DPP6: variants seen among roughly 807,000 people sequenced by gnomAD.
DPP6 encodes A-type potassium channel modulatory protein DPP6.
Under a neutral mutation model 122.6 loss-of-function variants are expected in DPP6, and 69 were observed. The ratio of observed to expected loss-of-function variants is 0.56; its 90% confidence interval spans 0.46 to 0.69. The LOEUF (loss-of-function observed/expected upper bound fraction) is 0.69, where lower values mean the gene tolerates loss of function less well. DPP6 is among the 30% of genes least tolerant of loss of function. The probability of loss-of-function intolerance (pLI) is 0.00; values close to 1 mark genes in which losing one functional copy is unlikely to be tolerated. For missense variants in DPP6, 928 were observed against 1,116.9 expected (o/e 0.83, Z 2.41); for synonymous variants, 418 against 433.1 (o/e 0.97, Z 0.43).
chr7:154,162,200 G>A lies in DPP6; in HGVS notation c.243+109137G>A, dbSNP rs372461034. Among the ~76,000 whole-genome samples the A allele has an allele frequency of 2.2e-3, 329 of 151,290 alleles. 1 individual carries two copies. Among genetic ancestry groups the A allele is most frequent in the South Asian group, 0.015 (72 of 4,758 alleles). On this transcript the variant is annotated intron_variant, in intron 1 of 25. Coordinates refer to ENST00000377770, the MANE Select transcript of DPP6 (RefSeq NM_130797.4). ...AGGCCTGGTGTTGGCCCGGGAACCC[G>A]CACTGACCAGCCTGTGGCCAGGGCC...
At chr7:154,757,419 C>G (rs558001116) in intron 8 of DPP6, among the ~76,000 whole-genome samples, 1 of 152,366 alleles carries the variant, frequency 6.6e-6, no homozygotes, top group Admixed American at 6.5e-5. Flanking sequence ...TCTCCTCCCC[C>G]ACTGCAGCCC....
the DPP6 span, among the ~76,000 whole-genome samples, chr7:153,872,106 C>T: frequency 3.3e-3 from 508 of 152,314 alleles, 1 homozygote; most frequent in African/African-American, 0.012. Flanking sequence ...GATCCACAAT[C>T]GTTCCATCTG....
intron 1 of DPP6, among the ~76,000 whole-genome samples, chr7:154,105,441 G>T (rs147849455): frequency 0.036 from 5,468 of 152,218 alleles, 329 homozygotes; most frequent in African/African-American, 0.12. Flanking sequence ...TGCAAATAAC[G>T]ACCAGCCTTT....
chr7:154,653,450 A>T (rs1035366283), intron 6 of DPP6, among the ~76,000 whole-genome samples: 1 of 152,258 alleles, frequency 6.6e-6, no homozygotes, highest in Non-Finnish European at 1.5e-5. Context: ...GTAGATGGAT[A>T]GATGACAGAT....
chr7:154,843,170 C>T (rs567823004), intron 16 of DPP6, among the ~76,000 whole-genome samples: 8 of 152,260 alleles, frequency 5.3e-5, no homozygotes, highest in African/African-American at 1.7e-4. Context: ...GGCGTGGTGG[C>T]GCATGCCTGG....
rs563530051 is a variant in DPP6 at position 154,481,490 on chromosome 7, AC to A, written c.457+6459del. Among the ~76,000 whole-genome samples, 1 of 137,568 alleles carries A rather than the reference AC, an allele frequency of 7.3e-6. No homozygotes were observed. Among genetic ancestry groups the A allele is most frequent in the Non-Finnish European group, 1.6e-5 (1 of 63,742 alleles). The allele number at this position is 137,568 out of a possible 152,430, so 90.2% of individuals were successfully genotyped here. A position where few individuals can be genotyped will look rare whatever the true frequency, so the allele number is the denominator to read the frequency against. ...TCATCCTCCCCCAACCTCTTCACAGACCCCCCGCTGCCCACTGTGCGAGCAC... is the reference window on the plus strand; with the variant it reads ...TCATCCTCCCCCAACCTCTTCACAGACCCCCGCTGCCCACTGTGCGAGCAC... On this transcript the variant is annotated intron_variant, in intron 3 of 25. Transcript: ENST00000377770. The surrounding 1 kb of genome is among the most constrained non-coding windows in gnomAD (Gnocchi z 4.2).
In DPP6 at chr7:154,807,131, G is replaced by T. The variant is rs377579426; in HGVS notation, c.1666+19G>T. 1.2e-6 allele frequency: 2 copies of T among 1,609,890 alleles called. No homozygotes were observed. Among genetic ancestry groups the T allele is most frequent in the Middle Eastern group, 1.7e-4 (1 of 6,052 alleles). On this transcript the variant is annotated intron_variant, in intron 16 of 25. Coordinates refer to ENST00000377770, the MANE Select transcript of DPP6 (RefSeq NM_130797.4). ...TGCGAAGGTCAGCTCCTGCCACCCC[G>T]TCAGGGCAAAGAGCCCTGGCAGGCA...
At chr7:154,797,469 TTGTC>T (rs1178605661) in intron 12 of DPP6, among the ~76,000 whole-genome samples, 1 of 152,226 alleles carries the variant, frequency 6.6e-6, no homozygotes, top group Non-Finnish European at 1.5e-5. Context: ...TCCAGTTTGT[TTGTC>T]TGTTGATGGA....
At chr7:154,777,851 AC>A (rs1417728109) in intron 10 of DPP6, among the ~76,000 whole-genome samples, 4 of 151,980 alleles carry the variant, frequency 2.6e-5, no homozygotes. Context: ...CTCCTCCACC[AC>A]CCGCTTCCAC....
chr7:154,235,405 A>G lies in DPP6; in HGVS notation c.243+182342A>G, dbSNP rs118155421. ...ACAGTGTTTTACAACCCCTTTCCAC[A>G]TAGGTTAGTATCACCAGTGTGCTTG... On this transcript the variant is annotated intron_variant, in intron 1 of 25. Coordinates refer to ENST00000377770, the MANE Select transcript of DPP6 (RefSeq NM_130797.4). Among the ~76,000 whole-genome samples, 168 of 148,504 alleles carry G rather than the reference A, an allele frequency of 1.1e-3. 4 individuals carry two copies. In the East Asian group the frequency reaches 0.031, roughly 27 times the overall value.
intron 1 of DPP6, among the ~76,000 whole-genome samples, chr7:154,203,961 A>G (rs780455753): frequency 6.6e-6 from 1 of 152,254 alleles, no homozygotes; most frequent in Non-Finnish European, 1.5e-5. Flanking sequence ...AGTGCTTAAT[A>G]AATAGTTGCT....
At chr7:154,114,601 A>G (rs1226044591) in intron 1 of DPP6, among the ~76,000 whole-genome samples, 3 of 152,144 alleles carry the variant, frequency 2.0e-5, no homozygotes, top group African/African-American at 7.2e-5. Context: ...CATGCCTTTA[A>G]CCAGTGAGAG....
intron 16 of DPP6, among the ~76,000 whole-genome samples, chr7:154,828,589 T>G (rs772055330): frequency 1.3e-5 from 2 of 152,220 alleles, no homozygotes; most frequent in Non-Finnish European, 2.9e-5. Flanking sequence ...TCTAATATAT[T>G]CCAGCGGGCT....
chr7:154,665,013 A>G (rs1012257992), intron 6 of DPP6, among the ~76,000 whole-genome samples: 2 of 152,132 alleles, frequency 1.3e-5, no homozygotes, highest in Non-Finnish European at 2.9e-5. Context: ...CCAGGACCCC[A>G]TGCTGCCTTT....
intron 6 of DPP6, among the ~76,000 whole-genome samples, chr7:154,642,152 A>G (rs1665187877): frequency 6.6e-6 from 1 of 152,176 alleles, no homozygotes; most frequent in South Asian, 2.1e-4. Context: ...TGCCAGCCTA[A>G]TAGCATCATG....
intron 7 of DPP6, among the ~76,000 whole-genome samples, chr7:154,715,207 C>T (rs1841414961): frequency 1.3e-5 from 2 of 152,138 alleles, no homozygotes; most frequent in African/African-American, 4.8e-5. Flanking sequence ...ACTGGGATTA[C>T]AGGCACCTGC....
chr7:154,889,812 A>G, intron 25 of DPP6: 1 of 453,824 alleles, frequency 2.2e-6, no homozygotes. Context: ...CCGGGCAGTG[A>G]GAAGAACCAA....
Position 154,475,030 on chromosome 7 carries a change from G to C in DPP6, c.450G>C (p.Trp150Cys). 1 of 1,612,870 alleles carries C rather than the reference G, an allele frequency of 6.2e-7. No individual in the cohort carries two copies. Among genetic ancestry groups the C allele is most frequent in the Non-Finnish European group, 8.5e-7 (1 of 1,178,948 alleles). ...AAATTCATGACCCCGAGGCTAAGTG[G>C]ATAAGTGGTGAGTCCAGGTCCTTCG... ...DFKIHDPEAK[W>C]ISDTEFIYRE... The change falls in exon 3 of 26, where the codon TGG becomes TGC. Residue 150 changes from tryptophan (W) to cysteine (C), a missense_variant. Trp to Cys is a radical substitution (Grantham distance 215). Coordinates refer to ENST00000377770, the MANE Select transcript of DPP6 (RefSeq NM_130797.4).
chr7:154,813,043 T>G (rs1184333163), intron 16 of DPP6, among the ~76,000 whole-genome samples: 1 of 152,050 alleles, frequency 6.6e-6, no homozygotes, highest in Non-Finnish European at 1.5e-5. Flanking sequence ...TTAATAATAA[T>G]TACTATTAAC....
Sources: allele counts gnomAD v4.1 joint callset (sites outside exome capture counted in the v4.1 genomes callset), GRCh38; gene constraint gnomAD v4.1.1; non-coding constraint Gnocchi (gnomAD v3.1); transcripts MANE v1.5; gene names NCBI Gene and HGNC (gene_info 2026-07-23, HGNC 2026-07-21).